The following SLC35F4 variants were observed in gnomAD, a reference collection of about 807,000 sequenced individuals.
SLC35F4 encodes solute carrier family 35 member F4.
A neutral mutation model predicts 44.2 loss-of-function variants in SLC35F4; 24 were observed. The ratio of observed to expected loss-of-function variants is 0.54; its 90% confidence interval spans 0.39 to 0.76. The LOEUF (loss-of-function observed/expected upper bound fraction) is 0.76. SLC35F4 is among the 30% of genes least tolerant of loss of function. The pLI is 0.00. For missense variants in SLC35F4, 562 were observed against 586.1 expected (o/e 0.96, Z 0.42); for synonymous variants, 238 against 223.6 (o/e 1.06, Z -0.57).
chr14:57,889,983 A>T (rs1402633906), intron 1 of SLC35F4, among the ~76,000 whole-genome samples: 1 of 152,150 alleles, frequency 6.6e-6, no homozygotes, highest in African/African-American at 2.4e-5. Context: ...CTGGCTGATC[A>T]TTTGTATTAC....
At chr14:57,784,553 T>C (rs112572084) in intron 1 of SLC35F4, among the ~76,000 whole-genome samples, 5,884 of 152,236 alleles carry the variant, frequency 0.039, 180 homozygotes, top group African/African-American at 0.082. Context: ...GGGGCGTGCC[T>C]GTAGTCCCAG....
chr14:57,678,094 A>T (rs1251054275), intron 1 of SLC35F4, among the ~76,000 whole-genome samples: 1 of 152,090 alleles, frequency 6.6e-6, no homozygotes, highest in East Asian at 1.9e-4. Context: ...GGTTGAAATG[A>T]AGGAAAAAAT....
intron 4 of SLC35F4, among the ~76,000 whole-genome samples, chr14:57,577,496 A>G (rs955275706): frequency 4.0e-5 from 6 of 151,836 alleles, no homozygotes; most frequent in East Asian, 1.9e-4. Context: ...AAATTGGAAA[A>G]TATAAGAAAA....
intron 1 of SLC35F4, among the ~76,000 whole-genome samples, chr14:57,763,233 G>A (rs985338622): frequency 6.6e-6 from 1 of 152,068 alleles, no homozygotes; most frequent in African/African-American, 2.4e-5. Flanking sequence ...CTTTGATGAT[G>A]CTTTCTGCCA....
At chr14:57,587,630 C>T (rs8014962) in intron 3 of SLC35F4, among the ~76,000 whole-genome samples, 48,011 of 151,816 alleles carry the variant, frequency 0.32, 7,692 homozygotes, top group Middle Eastern at 0.37. Context: ...GCAGAGGTGG[C>T]GGACTAGGGG....
intron 1 of SLC35F4, among the ~76,000 whole-genome samples, chr14:57,859,714 G>A (rs1043318339): frequency 3.9e-5 from 6 of 152,144 alleles, no homozygotes; most frequent in Non-Finnish European, 7.3e-5. Flanking sequence ...CAAAAGATGC[G>A]ATGGATAGAA....
chr14:57,785,106 T>G (rs1040687234), intron 1 of SLC35F4, among the ~76,000 whole-genome samples: 1 of 152,224 alleles, frequency 6.6e-6, no homozygotes, highest in Non-Finnish European at 1.5e-5. Flanking sequence ...GTCATAGATT[T>G]TTGACTGCAC....
At chr14:57,600,718 A>AAC (rs1555358623) in intron 1 of SLC35F4, among the ~76,000 whole-genome samples, 57 of 146,920 alleles carry the variant, frequency 3.9e-4, no homozygotes, top group African/African-American at 1.4e-3. Flanking sequence ...AAAAAAAAAA[A>AAC]ACCAAAAAGA....
At chr14:57,581,487 CTTATCTGACTCATCGCAGCCA>C in intron 3 of SLC35F4, 54 bp from the exon 4 acceptor site, 1 of 1,479,790 alleles carries the variant, frequency 6.8e-7, no homozygotes, top group South Asian at 1.3e-5. Flanking sequence ...CACCTCTTGT[CTTATCTGACTCATCGCAGCCA>C]TTTTCAGGTA....
chr14:57,764,886 A>G (rs1044534079), intron 1 of SLC35F4, among the ~76,000 whole-genome samples: 1 of 152,232 alleles, frequency 6.6e-6, no homozygotes, highest in Non-Finnish European at 1.5e-5. Flanking sequence ...AGCTTTGTAG[A>G]TAATATTATC....
intron 1 of SLC35F4, among the ~76,000 whole-genome samples, chr14:57,752,429 T>G (rs751731179): frequency 6.6e-6 from 1 of 151,866 alleles, no homozygotes; most frequent in Non-Finnish European, 1.5e-5. Flanking sequence ...ACACTTGATG[T>G]GGAGATGGAA....
At chr14:57,738,679 C>CCACTAGAT (rs1188201953) in intron 1 of SLC35F4, among the ~76,000 whole-genome samples, 2 of 149,552 alleles carry the variant, frequency 1.3e-5, no homozygotes, top group African/African-American at 2.5e-5. Context: ...CTGCCTACTT[C>CCACTAGAT]CACTAGATAT....
intron 1 of SLC35F4, among the ~76,000 whole-genome samples, chr14:57,742,462 C>T (rs2076637030): frequency 6.6e-6 from 1 of 152,026 alleles, no homozygotes; most frequent in African/African-American, 2.4e-5. Flanking sequence ...CAACAAAGAT[C>T]AAAAGAGACA....
At chr14:57,880,040 GGA>G (rs1566919959) in intron 1 of SLC35F4, among the ~76,000 whole-genome samples, 89 of 2,402 alleles carry the variant, frequency 0.037, no homozygotes, top group Non-Finnish European at 0.11. Context: ...GAGGGAGGAA[GGA>G]AGGAAGGAAG....
At chr14:57,810,428 T>C (rs764139878) in intron 1 of SLC35F4, among the ~76,000 whole-genome samples, 2 of 152,246 alleles carry the variant, frequency 1.3e-5, no homozygotes, top group Non-Finnish European at 2.9e-5. Flanking sequence ...TAATTTTACT[T>C]TTTGTTTGTT....
At chr14:57,751,910 ATT>A (rs1288040811) in intron 1 of SLC35F4, among the ~76,000 whole-genome samples, 2 of 126,714 alleles carry the variant, frequency 1.6e-5, no homozygotes, top group Admixed American at 1.6e-4. Flanking sequence ...CTTAAAAAAC[ATT>A]TCTCTCTCTC....
At chr14:57,902,431 C>T (rs539003334) in intron 1 of SLC35F4, among the ~76,000 whole-genome samples, 82 of 151,924 alleles carry the variant, frequency 5.4e-4, no homozygotes, top group African/African-American at 1.9e-3. Flanking sequence ...GATGTGGTAG[C>T]GCATGCCTGT....
chr14:57,786,808 T>C (rs913875201), intron 1 of SLC35F4, among the ~76,000 whole-genome samples: 4 of 151,986 alleles, frequency 2.6e-5, no homozygotes, highest in Admixed American at 6.6e-5. Flanking sequence ...CCTGCCCAAA[T>C]GAGAAGGAAC....
chr14:57,664,059 C>T (rs2074228777), intron 1 of SLC35F4, among the ~76,000 whole-genome samples: 1 of 151,946 alleles, frequency 6.6e-6, no homozygotes, highest in Non-Finnish European at 1.5e-5. Context: ...TATTAATAAA[C>T]TCTGATGGAA....
Sources: gnomAD v4.1 joint callset for allele counts (sites outside exome capture counted in the v4.1 genomes callset) on GRCh38, gnomAD v4.1.1 for gene constraint, MANE v1.5 for transcripts, NCBI Gene and HGNC (gene_info 2026-07-23, HGNC 2026-07-21) for gene names.